MDN1: variants seen among roughly 807,000 people sequenced by gnomAD.
The protein encoded by MDN1 is midasin.
MDN1 carries 266 observed loss-of-function variants against 669.2 expected under a neutral mutation model. That is an observed-to-expected ratio of 0.40 (90% CI 0.36 to 0.44). The LOEUF is 0.44. Among genes scored for constraint, MDN1 ranks in the 20% least tolerant of loss-of-function variants. MDN1 has a pLI of 1.00. For synonymous variants in MDN1, 2,385 were observed against 2,457.1 expected, an observed-to-expected ratio of 0.97 and a Z score of 0.87; for missense variants, 5,940 against 6,754.0, an observed-to-expected ratio of 0.88 and a Z score of 4.22.
At chr6:89,678,848 C>G in intron 74 of MDN1, 103 bp from the exon 75 acceptor site, 1 of 1,215,300 alleles carries the variant, frequency 8.2e-7, no homozygotes, top group South Asian at 1.5e-5. Context: ...AGAACAAAGG[C>G]CAAGTATCAT....
At chr6:89,726,674 C>T (rs1348961063) in intron 37 of MDN1, among the ~76,000 whole-genome samples, 1 of 151,986 alleles carries the variant, frequency 6.6e-6, no homozygotes, top group East Asian at 1.9e-4. Context: ...AGAACAATTA[C>T]AAGGGGCTCT....
rs1232779850 is a variant in MDN1, at chr6:89,762,328, T to A, written c.2347A>T (p.Ser783Cys). The change falls in exon 16 of 102, where the codon AGT becomes TGT. Residue 783 changes from serine to cysteine, a missense_variant. Ser to Cys is a moderately radical substitution (Grantham distance 112). Coordinates refer to ENST00000369393, the MANE Select transcript of MDN1 (RefSeq NM_014611.3). ...TGGGTCACATCCTTACCAGTTTCACTGTCTTTTCCATCCTTGTTAACAGCA... is the reference window on the plus strand; with the variant it reads ...TGGGTCACATCCTTACCAGTTTCACAGTCTTTTCCATCCTTGTTAACAGCA... ...KSAVNKDGKD[S>C]ETGLLIKEKW... The A allele has an allele frequency of 6.2e-7, 1 of 1,613,642 alleles. No homozygotes were observed. Among genetic ancestry groups the A allele is most frequent in the Non-Finnish European group, 8.5e-7 (1 of 1,179,844 alleles).
In MDN1 at chr6:89,652,192, C is replaced by T. The variant is rs2128298766; in HGVS notation, c.15915G>A (p.Glu5305=). ...WQPRESGNPE[E]EKVAAEMWQS... ...AAAAAAACAGTGAGCAGTGACTTAC[C>T]TCCTCTGGGTTTCCAGATTCACGTG... is the stretch of plus-strand genomic sequence containing the variant. Residue 5305 remains glutamate (E), a splice_region_variant and synonymous_variant, in exon 95 of 102, where the codon GAG becomes GAA. Transcript: ENST00000369393. The T allele has an allele frequency of 6.2e-7, 1 of 1,612,970 alleles. No homozygotes were observed. The highest frequency in any genetic ancestry group is 1.1e-5 in the South Asian group (1 of 90,940).
At chr6:89,786,487 G>T (rs929266147) in intron 8 of MDN1, among the ~76,000 whole-genome samples, 1 of 151,702 alleles carries the variant, frequency 6.6e-6, no homozygotes, top group African/African-American at 2.4e-5. Context: ...TACCCCTGTA[G>T]TCCTAGCTAC....
chr6:89,724,696 A>C (rs1425001250), intron 38 of MDN1, among the ~76,000 whole-genome samples: 1 of 152,248 alleles, frequency 6.6e-6, no homozygotes, highest in African/African-American at 2.4e-5. Flanking sequence ...TGAAAAACTG[A>C]TGTTAAAACA....
chr6:89,680,948 TA>T (rs1218016669), intron 73 of MDN1, among the ~76,000 whole-genome samples, 197 bp from the exon 74 acceptor site: 1 of 152,202 alleles, frequency 6.6e-6, no homozygotes, highest in African/African-American at 2.4e-5. Flanking sequence ...ATGAGATCAT[TA>T]TAACTGAAGG....
intron 1 of MDN1, among the ~76,000 whole-genome samples, chr6:89,818,459 C>A (rs371574560): frequency 6.6e-6 from 1 of 151,574 alleles, no homozygotes; most frequent in Non-Finnish European, 1.5e-5. Context: ...CAAAGGGGGA[C>A]CTTACAACTA....
chr6:89,652,372 C>T, intron 94 of MDN1, 91 bp from the exon 95 acceptor site: 2 of 895,248 alleles, frequency 2.2e-6, no homozygotes, highest in African/African-American at 1.7e-5. Context: ...AGTATGAACT[C>T]AAAGTACATA....
chr6:89,761,575 T>C (rs1817548713), intron 17 of MDN1, 70 bp downstream of exon 17: 1 of 1,152,382 alleles, frequency 8.7e-7, no homozygotes, highest in African/African-American at 1.6e-5. Flanking sequence ...TACAAAATAG[T>C]AACCTGCCTG....
intron 36 of MDN1, 116 bp from the exon 37 acceptor site, chr6:89,728,071 C>T: frequency 8.0e-7 from 1 of 1,255,436 alleles, no homozygotes; most frequent in Non-Finnish European, 1.1e-6. Context: ...CTCTTCCTTC[C>T]TACACCCAAG....
At chr6:89,724,870 T>A (rs144800204) in intron 38 of MDN1, among the ~76,000 whole-genome samples, 1,869 of 152,300 alleles carry the variant, frequency 0.012, 34 homozygotes, top group African/African-American at 0.042. Context: ...TCAATAAAAA[T>A]TTTTCTTATA....
chr6:89,712,043 C>T lies in MDN1; in HGVS notation c.7644G>A (p.Gln2548=), dbSNP rs1813969769. The T allele has an allele frequency of 6.2e-7, 1 of 1,613,356 alleles. No homozygotes were observed. The highest frequency in any genetic ancestry group is 1.1e-5 in the South Asian group (1 of 90,992). ...WLYHLAKNIP[Q]GLESIQIHLE... is the part of the protein sequence containing the mutation. The stretch of plus-strand genomic sequence containing the variant: ...TTAAGCTGTTCTACTCACCAAGCCC[C>T]TGCGGTATATTCTTGGCTAAATGAT... Residue 2548 remains glutamine (Q), a synonymous_variant, in exon 49 of 102, where the codon CAG becomes CAA. Transcript: ENST00000369393.
intron 31 of MDN1, among the ~76,000 whole-genome samples, chr6:89,742,329 A>G (rs949347149): frequency 2.0e-5 from 3 of 152,008 alleles, no homozygotes; most frequent in Non-Finnish European, 4.4e-5. Context: ...CAACAATCAA[A>G]CTTGGAAGGC....
At position 89,707,040 on chromosome 6, in the gene MDN1, T is replaced by C. The variant is rs536530619; in HGVS notation, c.8014+321A>G. 7.2e-5 allele frequency among the ~76,000 whole-genome samples: 11 copies of C among 152,320 alleles called. No individual in the cohort carries two copies. The South Asian group carries it at 1.5e-3, about 20-fold the overall frequency. On this transcript the variant is annotated intron_variant, in intron 52 of 101. Transcript: ENST00000369393. ...GACAGACCTAGTTTTCAAGTGGCTC[T>C]GTTACTTGCTAGAGACGTGACCTTG...
At chr6:89,691,195 C>T (rs116987225) in intron 63 of MDN1, among the ~76,000 whole-genome samples, 214 of 152,310 alleles carry the variant, frequency 1.4e-3, no homozygotes, top group Non-Finnish European at 2.7e-3. Flanking sequence ...ACCTGGGTGG[C>T]ACCCCAAGGA....
intron 23 of MDN1, among the ~76,000 whole-genome samples, chr6:89,750,928 T>TA (rs398110403): frequency 6.6e-5 from 10 of 151,574 alleles, no homozygotes; most frequent in African/African-American, 1.2e-4. Context: ...TTTTTTTTTT[T>TA]AAAAGAATGA....
chr6:89,813,365 C>T (rs1201196575), intron 1 of MDN1, among the ~76,000 whole-genome samples: 1 of 152,098 alleles, frequency 6.6e-6, no homozygotes, highest in Admixed American at 6.6e-5. Flanking sequence ...GCCTGGCCAA[C>T]ATGGCAAAAC....
Position 89,747,486 on chromosome 6 carries a change from A to G in MDN1, c.3763-16T>C. The G allele has an allele frequency of 6.2e-7, 1 of 1,607,784 alleles. No individual in the cohort carries two copies. Among genetic ancestry groups the G allele is most frequent in the East Asian group, 2.2e-5 (1 of 44,804 alleles). The stretch of plus-strand genomic sequence containing the variant: ...TGCGATAGGACTGTTGAAGTATCAA[A>G]ACAAATGAAAAGGGGCATCAGCTGC... On this transcript the variant is annotated splice_polypyrimidine_tract_variant and intron_variant, in intron 26 of 101. Transcript: ENST00000369393.
chr6:89,683,159 G>A lies in MDN1; in HGVS notation c.12075C>T (p.Thr4025=). 12 of 1,614,044 alleles carry A rather than the reference G, an allele frequency of 7.4e-6. No individual in the cohort carries two copies. The highest frequency in any genetic ancestry group is 1.0e-5 in the Non-Finnish European group (12 of 1,180,020). The change falls in exon 73 of 102, where the codon ACC becomes ACT. Residue 4025 remains threonine, a synonymous_variant. Transcript: ENST00000369393. ...GCCCAGCTGCTGGTTGGGCTAACAG[G>A]GTCTCCCTCAGTGCCCTGTTCAGAT... ...IQNLNRALRE[T]LLAQPAAGQA...
Sources: allele counts gnomAD v4.1 joint callset (sites outside exome capture counted in the v4.1 genomes callset), GRCh38; gene constraint gnomAD v4.1.1; transcripts MANE v1.5; gene names NCBI Gene and HGNC (gene_info 2026-07-23, HGNC 2026-07-21).